Variants in ODAD2 observed in about 807,000 individuals in gnomAD.
ODAD2 encodes the protein outer dynein arm-docking complex subunit 2.
Under a neutral mutation model 106.8 loss-of-function variants are expected in ODAD2, and 89 were observed. That is an observed-to-expected ratio of 0.83 (90% CI 0.70 to 0.99). The LOEUF (loss-of-function observed/expected upper bound fraction) is 0.99. ODAD2 is among the 50% of genes least tolerant of loss of function. The pLI is 0.00. For synonymous variants in ODAD2, 404 were observed against 436.2 expected (o/e 0.93, Z 0.92); for missense variants, 1,168 against 1,238.5 (o/e 0.94, Z 0.85).
rs908894204 is a variant in ODAD2 at position 27,936,962 on chromosome 10, T to C, written c.2098-82A>G. The C allele has an allele frequency of 1.6e-5, 23 of 1,441,252 alleles. No homozygotes were observed. The African/African-American group carries it at 3.3e-4, about 21-fold the overall frequency. The allele number at this position is 1,441,252 out of a possible 1,614,324, so 89.3% of individuals were successfully genotyped here. ...GATGCTAAAAAGGCTGCCATTCTAG[T>C]AGCTAGGAAACTTCTTTCTAGAGAG... is the stretch of plus-strand genomic sequence containing the variant. On this transcript the variant is annotated intron_variant, in intron 14 of 19. Transcript: ENST00000305242.
intron 2 of ODAD2, 98 bp from the exon 3 acceptor site, chr10:27,987,641 T>C: frequency 3.9e-6 from 3 of 764,174 alleles, no homozygotes; most frequent in Non-Finnish European, 5.9e-6. Context: ...TATATCTCAT[T>C]ATAAAATACA....
intron 7 of ODAD2, among the ~76,000 whole-genome samples, chr10:27,977,498 T>C (rs1588648086): frequency 6.7e-6 from 1 of 150,322 alleles, no homozygotes; most frequent in African/African-American, 2.4e-5. Flanking sequence ...ACCCAGGAGG[T>C]GGAGCTTGCA....
intron 17 of ODAD2, among the ~76,000 whole-genome samples, chr10:27,888,322 A>C (rs1399649506): frequency 1.3e-5 from 2 of 151,936 alleles, no homozygotes; most frequent in Admixed American, 1.3e-4. Context: ...TTGCCAACAT[A>C]CATTGTTTTT....
At chr10:27,901,774 T>C (rs183367612) in intron 17 of ODAD2, among the ~76,000 whole-genome samples, 43 of 152,280 alleles carry the variant, frequency 2.8e-4, no homozygotes, top group Non-Finnish European at 4.7e-4. Flanking sequence ...GACCTAAATA[T>C]ATATGCACCC....
In ODAD2 at chr10:27,939,933, C is replaced by A. The variant is rs1846266895; in HGVS notation, c.2061G>T (p.Glu687Asp). Residue 687 changes from glutamate (E) to aspartate (D), a missense_variant, in exon 14 of 20, where the codon GAG becomes GAT. Around this residue, in one of 3 missense-constraint regions of ODAD2, gnomAD observed 701 missense variants for 712.3 expected, o/e 0.98. Transcript: ENST00000305242. ...NLVKNLNSEN[E>D]QLQEHCAMAI... is the part of the protein sequence containing the mutation. ...CCATGGCGCAGTGCTCCTGCAGCTG[C>A]TCATTCTCACTATTTAGGTTCTTGA... The A allele has an allele frequency of 6.2e-7, 1 of 1,611,314 alleles. No individual in the cohort carries two copies. The highest frequency in any genetic ancestry group is 8.5e-7 in the Non-Finnish European group (1 of 1,178,838).
intron 19 of ODAD2, among the ~76,000 whole-genome samples, chr10:27,815,219 C>T (rs1465739726): frequency 2.0e-5 from 3 of 152,224 alleles, no homozygotes; most frequent in Non-Finnish European, 4.4e-5. Flanking sequence ...CATTCTTCTT[C>T]TTAGGACATT....
intron 19 of ODAD2, among the ~76,000 whole-genome samples, chr10:27,827,405 A>C (rs1206070157): frequency 1.0e-5 from 1 of 98,450 alleles, no homozygotes; most frequent in Non-Finnish European, 2.4e-5. Flanking sequence ...ATATATATAT[A>C]TATATATTCC....
At chr10:27,924,136 T>A (rs911500885) in intron 16 of ODAD2, among the ~76,000 whole-genome samples, 1 of 151,972 alleles carries the variant, frequency 6.6e-6, no homozygotes, top group Non-Finnish European at 1.5e-5. Context: ...TAAAAAAGCA[T>A]CCATAAGCTT....
Position 27,961,432 on chromosome 10 carries a change from A to C in ODAD2, c.1386+136T>G, listed in dbSNP as rs113954606. ...GGGTAATAAGACCTTGCCCTGCACA[A>C]ACTTAGATAAAACAACAGGAATGCT... On this transcript the variant is annotated intron_variant, in intron 10 of 19. Coordinates refer to ENST00000305242, the MANE Select transcript of ODAD2 (RefSeq NM_018076.5). 7.3e-4 allele frequency: 595 copies of C among 816,034 alleles called. 2 individuals are homozygous for C. Among genetic ancestry groups the C allele is most frequent in the African/African-American group, 5.0e-3 (287 of 57,092 alleles). 50.5% of individuals were successfully genotyped at this position (816,034 alleles called of 1,614,324 possible).
intron 19 of ODAD2, among the ~76,000 whole-genome samples, chr10:27,850,451 A>G (rs1238380105): frequency 6.6e-6 from 1 of 151,158 alleles, no homozygotes; most frequent in African/African-American, 2.4e-5. Flanking sequence ...TCTCAAAAAA[A>G]AAAAAAAAAA....
In ODAD2 at chr10:27,935,271, AGAG is replaced by A. The variant is rs1564520884; in HGVS notation, c.2253-22_2253-20del. 3.1e-6 allele frequency: 5 copies of A among 1,612,194 alleles called. No individual in the cohort carries two copies. The highest frequency in any genetic ancestry group is 1.3e-5 in the African/African-American group (1 of 74,976). ...CCGAAACCTAAGTTCATCATAAGAA[AGAG>A]GAGAATTGGTTTTTGTATAAGGTTT... On this transcript the variant is annotated intron_variant, in intron 15 of 19. Transcript: ENST00000305242.
Position 27,944,384 on chromosome 10 carries a change from G to A in ODAD2, c.1581C>T (p.Ile527=). Residue 527 remains isoleucine (I), a synonymous_variant, in exon 12 of 20, where the codon ATC becomes ATT. Coordinates refer to ENST00000305242, the MANE Select transcript of ODAD2 (RefSeq NM_018076.5). Reference sequence around the variant, plus strand: ...CCCCAAGGTCAACAATATTCTGTCTGATTTGAGGATTATGACTGATTTCCT... The same window carrying A: ...CCCCAAGGTCAACAATATTCTGTCTAATTTGAGGATTATGACTGATTTCCT... The part of the protein sequence containing the change: ...ILKEISHNPQ[I]RQNIVDLGGL... 6.2e-7 allele frequency: 1 copy of A among 1,613,958 alleles called. No individual in the cohort carries two copies. The highest frequency in any genetic ancestry group is 8.5e-7 in the Non-Finnish European group (1 of 1,179,930).
At chr10:27,867,821 A>G (rs1840554238) in intron 17 of ODAD2, among the ~76,000 whole-genome samples, 1 of 151,826 alleles carries the variant, frequency 6.6e-6, no homozygotes, top group African/African-American at 2.4e-5. Flanking sequence ...TGGTGGCGTG[A>G]ACCTGTAATC....
intron 17 of ODAD2, among the ~76,000 whole-genome samples, chr10:27,877,182 A>G (rs1841396979): frequency 6.6e-6 from 1 of 152,234 alleles, no homozygotes; most frequent in Admixed American, 6.5e-5. Context: ...CAGTTCAACA[A>G]GCCAAATTTC....
At chr10:27,868,730 G>C (rs541274345) in intron 17 of ODAD2, among the ~76,000 whole-genome samples, 1 of 152,032 alleles carries the variant, frequency 6.6e-6, no homozygotes, top group African/African-American at 2.4e-5. Flanking sequence ...GGCATGCAGG[G>C]CTTAATACCT....
intron 16 of ODAD2, among the ~76,000 whole-genome samples, chr10:27,921,299 G>GA (rs769284744): frequency 6.5e-4 from 73 of 112,616 alleles, no homozygotes; most frequent in African/African-American, 1.6e-3. Context: ...CACCTCCAAC[G>GA]AAAAAAAAAA....
chr10:27,861,661 T>A (rs1430177736), intron 18 of ODAD2, among the ~76,000 whole-genome samples: 1 of 152,120 alleles, frequency 6.6e-6, no homozygotes, highest in African/African-American at 2.4e-5. Context: ...ACATTTTGGG[T>A]CTTCCATTTT....
intron 19 of ODAD2, among the ~76,000 whole-genome samples, chr10:27,818,588 G>C (rs545535509): frequency 8.5e-5 from 13 of 152,154 alleles, no homozygotes; most frequent in Admixed American, 7.2e-4. Flanking sequence ...CTAAGAGCTT[G>C]ATTTCCATAC....
In ODAD2 at chr10:27,885,696, A is replaced by T. The variant is rs942541105; in HGVS notation, c.2610+21967T>A. 8.5e-4 allele frequency among the ~76,000 whole-genome samples: 38 copies of T among 44,470 alleles called. 2 individuals carry two copies. Among genetic ancestry groups the T allele is most frequent in the South Asian group, 4.9e-3 (9 of 1,848 alleles). The allele number at this position is 44,470 out of a possible 152,430, so 29.2% of individuals were successfully genotyped here. On this transcript the variant is annotated intron_variant, in intron 17 of 19. Transcript: ENST00000305242. ...AAATATATATAATATATAATATATA[A>T]TATATATAAAATATATATTATATAT...
Sources: allele counts gnomAD v4.1 joint callset (sites outside exome capture counted in the v4.1 genomes callset), GRCh38; gene constraint gnomAD v4.1.1; regional missense constraint gnomAD v4.1.1; transcripts MANE v1.5; gene names NCBI Gene and HGNC (gene_info 2026-07-23, HGNC 2026-07-21).